COL28A1: variants seen among roughly 807,000 people sequenced by gnomAD.
COL28A1 encodes the protein collagen alpha-1(XXVIII) chain.
Under a neutral mutation model 150.2 loss-of-function variants are expected in COL28A1, and 161 were observed. That is an observed-to-expected ratio of 1.07 (90% confidence interval 0.94 to 1.22). The LOEUF (loss-of-function observed/expected upper bound fraction) is 1.22, where lower values mean the gene tolerates loss of function less well. Ranked by LOEUF, COL28A1 falls within the 50% of genes most tolerant of loss-of-function variation. The pLI, the probability that COL28A1 is intolerant of heterozygous loss-of-function variation, is 0.00. For missense variants in COL28A1, 1,617 were observed against 1,388.3 expected, an observed-to-expected ratio of 1.16 and a Z score of -2.62; for synonymous variants, 552 against 469.7, an observed-to-expected ratio of 1.18 and a Z score of -2.26.
At chr7:7,516,139 G>T (rs1425127930) in intron 7 of COL28A1, among the ~76,000 whole-genome samples, 1 of 152,236 alleles carries the variant, frequency 6.6e-6, no homozygotes, top group Non-Finnish European at 1.5e-5. Flanking sequence ...TACACTGAAA[G>T]TCATTGTAGA....
At chr7:7,482,499 T>G (rs1484947204) in intron 13 of COL28A1, among the ~76,000 whole-genome samples, 2 of 148,982 alleles carry the variant, frequency 1.3e-5, no homozygotes, top group Non-Finnish European at 3.0e-5. Context: ...TGCTCCAGCC[T>G]GGGGGACAAG....
At chr7:7,448,396 T>A (rs1211363467) in intron 18 of COL28A1, among the ~76,000 whole-genome samples, 1 of 151,904 alleles carries the variant, frequency 6.6e-6, no homozygotes, top group South Asian at 2.1e-4. Flanking sequence ...TAGAACAACA[T>A]CTTAAAAGTA....
At chr7:7,477,029 T>C (rs1788943935) in intron 14 of COL28A1, 83 bp downstream of exon 14, 5 of 766,882 alleles carry the variant, frequency 6.5e-6, no homozygotes, top group Non-Finnish European at 1.2e-5. Flanking sequence ...CTTCTAAAAA[T>C]TGGCTAGGAC....
chr7:7,536,460 G>A (rs115332627), upstream of COL28A1, among the ~76,000 whole-genome samples: 6 of 152,140 alleles, frequency 3.9e-5, no homozygotes, highest in Admixed American at 6.5e-5. Context: ...AGATGTGTTC[G>A]AACTGTAACA....
intron 16 of COL28A1, among the ~76,000 whole-genome samples, chr7:7,455,625 G>A (rs1787092326): frequency 6.6e-6 from 1 of 152,124 alleles, no homozygotes; most frequent in South Asian, 2.1e-4. Context: ...TGGATATGTG[G>A]CTAGTTAGAG....
chr7:7,342,588 CCT>C, the COL28A1 span, among the ~76,000 whole-genome samples: 8 of 151,610 alleles, frequency 5.3e-5, no homozygotes, highest in Non-Finnish European at 8.8e-5. Flanking sequence ...GAAGCTATGT[CCT>C]CTGTTTCTAT....
chr7:7,486,524 A>G (rs1194802264), intron 13 of COL28A1, among the ~76,000 whole-genome samples: 8 of 152,214 alleles, frequency 5.3e-5, no homozygotes, highest in Non-Finnish European at 1.2e-4. Flanking sequence ...CTGATCTTAG[A>G]GGGATGCATT....
intron 15 of COL28A1, among the ~76,000 whole-genome samples, chr7:7,467,804 C>T (rs1442709908): frequency 2.2e-5 from 3 of 135,082 alleles, no homozygotes; most frequent in Non-Finnish European, 4.7e-5. Context: ...TTAAAAATCT[C>T]ACTCAAAGCC....
rs1220535693 is a variant in COL28A1 at position 7,373,076 on chromosome 7, T to C, written c.2830A>G (p.Ile944Val). The C allele has an allele frequency of 1.1e-5, 18 of 1,614,046 alleles. No homozygotes were observed. The highest frequency in any genetic ancestry group is 1.4e-5 in the Non-Finnish European group (17 of 1,180,024). ...ATTAGATTCATTTCTTTGTGGAATA[T>C]TTCAAAGTTGGGATCATTTTTCTTC... ...VVKKNDPNFE[I>V]FHKEMNLIAT... Residue 944 changes from isoleucine to valine, a missense_variant, in exon 32 of 35, where the codon ATA (isoleucine) becomes GTA (valine). Ile to Val is a conservative substitution (Grantham distance 29). Transcript: ENST00000399429. The surrounding 1 kb of genome is among the most constrained non-coding windows in gnomAD (Gnocchi z 4.1).
intron 27 of COL28A1, among the ~76,000 whole-genome samples, chr7:7,415,161 G>C (rs1272895088): frequency 6.6e-6 from 1 of 152,310 alleles, no homozygotes; most frequent in East Asian, 1.9e-4. Context: ...TAGAGAGACA[G>C]AGTACAGTTC....
At chr7:7,402,429 T>C (rs1157912456) in intron 27 of COL28A1, among the ~76,000 whole-genome samples, 1 of 152,228 alleles carries the variant, frequency 6.6e-6, no homozygotes, top group African/African-American at 2.4e-5. Flanking sequence ...CTTTGTTCAA[T>C]ACTTTTATCT....
downstream of COL28A1, among the ~76,000 whole-genome samples, chr7:7,353,054 A>C (rs888344689): frequency 6.6e-6 from 1 of 152,282 alleles, no homozygotes. Context: ...CATCAGCCAG[A>C]TCCCCATGGA....
intron 25 of COL28A1, among the ~76,000 whole-genome samples, chr7:7,427,190 T>C (rs1784691687): frequency 6.6e-6 from 1 of 152,208 alleles, no homozygotes; most frequent in African/African-American, 2.4e-5. Context: ...GGCATATAAC[T>C]GCATTGGGGA....
intron 10 of COL28A1, among the ~76,000 whole-genome samples, chr7:7,506,881 C>T (rs1014400628): frequency 2.0e-5 from 3 of 152,168 alleles, no homozygotes; most frequent in African/African-American, 7.2e-5. Context: ...TAATACTTGC[C>T]TGTTGGTACC....
chr7:7,355,714 T>C (rs1256505051), downstream of COL28A1, among the ~76,000 whole-genome samples: 1 of 152,174 alleles, frequency 6.6e-6, no homozygotes, highest in Non-Finnish European at 1.5e-5. Flanking sequence ...AATGGGAACT[T>C]TTATATGCAA....
At chr7:7,455,522 G>C (rs1277023068) in intron 16 of COL28A1, among the ~76,000 whole-genome samples, 8 of 152,094 alleles carry the variant, frequency 5.3e-5, no homozygotes, top group Non-Finnish European at 1.0e-4. Flanking sequence ...AATTATATCT[G>C]TGTTTTGCTT....
At chr7:7,343,770 A>T in the COL28A1 span, among the ~76,000 whole-genome samples, 1 of 152,010 alleles carries the variant, frequency 6.6e-6, no homozygotes, top group African/African-American at 2.4e-5. Flanking sequence ...CATTTTGGGA[A>T]GCCAAGGAGA....
chr7:7,461,705 T>A (rs1787640666), intron 15 of COL28A1, among the ~76,000 whole-genome samples: 1 of 152,044 alleles, frequency 6.6e-6, no homozygotes, highest in African/African-American at 2.4e-5. Flanking sequence ...AACCTCTCCC[T>A]TACCCCCACA....
chr7:7,456,840 A>G (rs371526768), intron 15 of COL28A1, among the ~76,000 whole-genome samples: 1 of 152,226 alleles, frequency 6.6e-6, no homozygotes, highest in South Asian at 2.1e-4. Context: ...TAAAATAACT[A>G]GTATGTTGAA....
Sources: gnomAD v4.1 joint callset for allele counts (sites outside exome capture counted in the v4.1 genomes callset) on GRCh38, gnomAD v4.1.1 for gene constraint, Gnocchi (gnomAD v3.1) non-coding constraint, MANE v1.5 for transcripts, NCBI Gene and HGNC (gene_info 2026-07-23, HGNC 2026-07-21) for gene names.